The following SUGCT variants were observed in gnomAD, a reference collection of about 807,000 sequenced individuals.
The protein encoded by SUGCT is succinyl-CoA:glutarate-CoA transferase.
A neutral mutation model predicts 55.0 loss-of-function variants in SUGCT; 41 were observed. The ratio of observed to expected loss-of-function variants is 0.74; its 90% CI spans 0.58 to 0.97. The LOEUF (loss-of-function observed/expected upper bound fraction) is 0.97, where lower values mean the gene tolerates loss of function less well. Ranked by LOEUF, SUGCT falls within the 50% of genes least tolerant of loss-of-function variation. The pLI is 0.00. For missense variants in SUGCT, 568 were observed against 547.8 expected (o/e 1.04, Z -0.37); for synonymous variants, 187 against 200.4 (o/e 0.93, Z 0.56).
chr7:40,219,287 A>G (rs1003207561), intron 6 of SUGCT, among the ~76,000 whole-genome samples: 4 of 152,212 alleles, frequency 2.6e-5, no homozygotes, highest in Admixed American at 6.5e-5. Flanking sequence ...ACTCACCGCG[A>G]GGGTCCGCAG....
intron 13 of SUGCT, among the ~76,000 whole-genome samples, chr7:40,768,637 C>A (rs1788929940): frequency 6.6e-6 from 1 of 152,164 alleles, no homozygotes; most frequent in African/African-American, 2.4e-5. Context: ...CTGTGAAGAT[C>A]AGGCTGGATG....
intron 6 of SUGCT, among the ~76,000 whole-genome samples, chr7:40,201,594 A>C (rs1786606290): frequency 6.6e-6 from 1 of 152,198 alleles, no homozygotes; most frequent in Non-Finnish European, 1.5e-5. Context: ...TTACCATTTC[A>C]TATTAAGCTC....
chr7:40,965,948 C>T, the SUGCT span: 4 of 152,168 alleles, frequency 2.6e-5, no homozygotes, highest in African/African-American at 7.2e-5. Flanking sequence ...GTTTCAAATA[C>T]CACAAGGCAG....
intron 6 of SUGCT, among the ~76,000 whole-genome samples, chr7:40,198,129 C>T (rs552254657): frequency 4.6e-5 from 7 of 152,162 alleles, no homozygotes; most frequent in East Asian, 1.9e-4. Context: ...AGTCTGAAAA[C>T]GTACCTCTCA....
chr7:40,647,838 T>G (rs112303635), intron 12 of SUGCT, among the ~76,000 whole-genome samples: 3,920 of 150,966 alleles, frequency 0.026, 66 homozygotes, highest in Middle Eastern at 0.038. Flanking sequence ...AAAAAAAAAG[T>G]TAGACCACTT....
chr7:40,651,802 T>A (rs1020554457), intron 12 of SUGCT, among the ~76,000 whole-genome samples: 14 of 152,222 alleles, frequency 9.2e-5, no homozygotes, highest in African/African-American at 3.4e-4. Context: ...AGGAAACTTC[T>A]GTGCTTACCA....
At chr7:40,571,813 T>C (rs1796466020) in intron 12 of SUGCT, among the ~76,000 whole-genome samples, 1 of 152,196 alleles carries the variant, frequency 6.6e-6, no homozygotes, top group African/African-American at 2.4e-5. Context: ...TCTTTGGGAT[T>C]ATGTAGGAAT....
chr7:40,642,284 CAG>C (rs1387136085), intron 12 of SUGCT, among the ~76,000 whole-genome samples: 1 of 152,158 alleles, frequency 6.6e-6, no homozygotes, highest in Non-Finnish European at 1.5e-5. Context: ...TGATCAAATG[CAG>C]AGATACTAAA....
intron 12 of SUGCT, among the ~76,000 whole-genome samples, chr7:40,684,324 G>A (rs1446570712): frequency 6.6e-6 from 1 of 152,318 alleles, no homozygotes; most frequent in South Asian, 2.1e-4. Context: ...TCATGGTGTT[G>A]TTTAATGGAC....
At position 40,830,505 on chromosome 7, in the gene SUGCT, C is replaced by T. The variant is rs142115418; in HGVS notation, c.1154-29811C>T. Among the ~76,000 whole-genome samples the T allele has an allele frequency of 4.0e-4, 61 of 152,292 alleles. No individual in the cohort carries two copies. In the East Asian group the frequency reaches 0.012, roughly 29 times the overall value. The stretch of plus-strand genomic sequence containing the variant: ...CTGATTATTCCCTCTTCTTAGATGC[C>T]TCTTTCTGGATATTTCTGTGGCTCA... On this transcript the variant is annotated intron_variant, in intron 13 of 13. Transcript: ENST00000335693.
intron 6 of SUGCT, among the ~76,000 whole-genome samples, chr7:40,222,084 C>A (rs1183474681): frequency 6.6e-6 from 1 of 152,180 alleles, no homozygotes; most frequent in Non-Finnish European, 1.5e-5. Context: ...GGTTTTAGAG[C>A]CTGCGCAAGC....
the SUGCT span, among the ~76,000 whole-genome samples, chr7:41,012,923 C>G: frequency 6.6e-6 from 1 of 151,842 alleles, no homozygotes. Context: ...ATTCAGAACT[C>G]TAGTAAATTT....
At chr7:40,514,620 G>C (rs1174231176) in intron 12 of SUGCT, among the ~76,000 whole-genome samples, 1 of 142,040 alleles carries the variant, frequency 7.0e-6, no homozygotes, top group Admixed American at 7.6e-5. Context: ...TGAGGCAGGA[G>C]AATAGCATGA....
chr7:40,767,054 G>C (rs896266715), intron 13 of SUGCT, among the ~76,000 whole-genome samples: 1 of 152,144 alleles, frequency 6.6e-6, no homozygotes, highest in African/African-American at 2.4e-5. Context: ...GATATGTACT[G>C]TCTGGATTAT....
chr7:41,004,026 T>C, the SUGCT span, among the ~76,000 whole-genome samples: 1 of 152,176 alleles, frequency 6.6e-6, no homozygotes, highest in Admixed American at 6.5e-5. Flanking sequence ...TTTTCCAAGA[T>C]CCACCCTCCC....
intron 7 of SUGCT, among the ~76,000 whole-genome samples, chr7:40,245,459 A>G (rs1223053172): frequency 2.5e-5 from 1 of 40,722 alleles, no homozygotes; most frequent in African/African-American, 1.2e-4. Context: ...TTTTTTTTTG[A>G]GATGGAGTCT....
At chr7:40,679,773 G>A (rs373748539) in intron 12 of SUGCT, among the ~76,000 whole-genome samples, 8 of 152,116 alleles carry the variant, frequency 5.3e-5, no homozygotes, top group African/African-American at 1.9e-4. Context: ...AATTTAGTTT[G>A]TCTTTATTAA....
chr7:40,872,554 G>A, the SUGCT span, among the ~76,000 whole-genome samples: 2 of 152,160 alleles, frequency 1.3e-5, no homozygotes, highest in African/African-American at 2.4e-5. Context: ...TGACCAGGCC[G>A]CATCCCCCTC....
At chr7:40,773,776 A>G (rs1052100725) in intron 13 of SUGCT, among the ~76,000 whole-genome samples, 1 of 152,154 alleles carries the variant, frequency 6.6e-6, no homozygotes, top group Non-Finnish European at 1.5e-5. Flanking sequence ...GTGCACCCCC[A>G]TGGAGAAAGT....
Sources: allele counts gnomAD v4.1 joint callset (sites outside exome capture counted in the v4.1 genomes callset), GRCh38; gene constraint gnomAD v4.1.1; transcripts MANE v1.5; gene names NCBI Gene and HGNC (gene_info 2026-07-23, HGNC 2026-07-21).